Variants in CIMAP3 observed in about 807,000 individuals in gnomAD.
CIMAP3 encodes the protein ciliary microtubule-associated protein 3.
At chr1:111,345,684 G>A in the CIMAP3 span, among the ~76,000 whole-genome samples, 1 of 152,284 alleles carries the variant, frequency 6.6e-6, no homozygotes, top group African/African-American at 2.4e-5. Context: ...CACCTGTAAA[G>A]GGTCAAAGTA....
the CIMAP3 span, among the ~76,000 whole-genome samples, chr1:111,342,004 C>T: frequency 1.3e-5 from 2 of 150,894 alleles, no homozygotes; most frequent in East Asian, 3.9e-4. Context: ...GGTAGAATCT[C>T]ATTCAAAGAA....
the CIMAP3 span, among the ~76,000 whole-genome samples, chr1:111,326,439 C>T: frequency 3.9e-5 from 6 of 152,104 alleles, no homozygotes; most frequent in African/African-American, 1.4e-4. Flanking sequence ...AACATAATGA[C>T]CTCGGGTTCT....
At chr1:111,350,254 C>G in the CIMAP3 span, 1 of 1,509,004 alleles carries the variant, frequency 6.6e-7, no homozygotes, top group South Asian at 1.1e-5. Context: ...GTAGAAGACT[C>G]TTATTCGATC....
At chr1:111,331,680 G>C in the CIMAP3 span, among the ~76,000 whole-genome samples, 273 of 150,322 alleles carry the variant, frequency 1.8e-3, 2 homozygotes, top group African/African-American at 5.5e-3. Flanking sequence ...ATTCTTTTTT[G>C]GGGGGGGCAT....
At chr1:111,345,116 G>A in the CIMAP3 span, among the ~76,000 whole-genome samples, 3 of 152,110 alleles carry the variant, frequency 2.0e-5, no homozygotes, top group African/African-American at 4.8e-5. Context: ...AGTCTATGAC[G>A]TTCGCAAAAC....
At chr1:111,338,709 T>G in the CIMAP3 span, among the ~76,000 whole-genome samples, 6 of 151,976 alleles carry the variant, frequency 3.9e-5, 1 homozygote, top group Admixed American at 3.9e-4. Context: ...GTGGCAATAA[T>G]CAATAGCTTA....
chr1:111,344,886 C>G, the CIMAP3 span, among the ~76,000 whole-genome samples: 3 of 152,078 alleles, frequency 2.0e-5, no homozygotes, highest in African/African-American at 7.2e-5. Flanking sequence ...AATGGAGCAG[C>G]CCTATACAGG....
chr1:111,332,178 A>G, the CIMAP3 span, among the ~76,000 whole-genome samples: 1 of 152,150 alleles, frequency 6.6e-6, no homozygotes, highest in Non-Finnish European at 1.5e-5. Context: ...GCATGTGGTT[A>G]CTTGGAGGTG....
chr1:111,346,585 G>T, the CIMAP3 span: 1 of 1,607,636 alleles, frequency 6.2e-7, no homozygotes, highest in Non-Finnish European at 8.5e-7. Flanking sequence ...TCCGCAGCTG[G>T]GAATCACGGG....
chr1:111,326,166 C>G, the CIMAP3 span, among the ~76,000 whole-genome samples: 10 of 152,090 alleles, frequency 6.6e-5, no homozygotes, highest in Admixed American at 2.6e-4. Context: ...CAATTCAAGT[C>G]CTCTCTTCCA....
At chr1:111,341,174 A>T in the CIMAP3 span, among the ~76,000 whole-genome samples, 6 of 139,826 alleles carry the variant, frequency 4.3e-5, no homozygotes, top group African/African-American at 1.6e-4. Flanking sequence ...ATATGGACAC[A>T]GGAAGGGGAA....
At chr1:111,347,744 C>T in the CIMAP3 span, 5 of 1,612,194 alleles carry the variant, frequency 3.1e-6, no homozygotes, top group Non-Finnish European at 4.2e-6. Context: ...GGAGCCAGAA[C>T]AGCTGTGAGG....
chr1:111,337,302 T>G, the CIMAP3 span, among the ~76,000 whole-genome samples: 1 of 152,104 alleles, frequency 6.6e-6, no homozygotes, highest in African/African-American at 2.4e-5. Context: ...ACGTGCAAAA[T>G]AGCCAGCTAA....
the CIMAP3 span, among the ~76,000 whole-genome samples, chr1:111,327,419 T>C: frequency 1.3e-5 from 2 of 152,174 alleles, no homozygotes. Context: ...GAATCATTTC[T>C]GTAGGAAAAT....
At chr1:111,346,780 T>C in the CIMAP3 span, 1 of 1,561,306 alleles carries the variant, frequency 6.4e-7, no homozygotes, top group Non-Finnish European at 8.8e-7. Flanking sequence ...CTCCAGGAGT[T>C]TGGCGTGGTT....
chr1:111,329,418 G>C, the CIMAP3 span, among the ~76,000 whole-genome samples: 1 of 150,928 alleles, frequency 6.6e-6, no homozygotes, highest in African/African-American at 2.4e-5. Flanking sequence ...AAGTTTTCAT[G>C]GATGATATAC....
the CIMAP3 span, among the ~76,000 whole-genome samples, chr1:111,335,361 T>C: frequency 6.6e-6 from 1 of 151,986 alleles, no homozygotes; most frequent in South Asian, 2.1e-4. Context: ...GGTCAGTGGG[T>C]GCAGCACACT....
the CIMAP3 span, among the ~76,000 whole-genome samples, chr1:111,330,731 T>C: frequency 6.6e-6 from 1 of 152,104 alleles, no homozygotes; most frequent in African/African-American, 2.4e-5. Flanking sequence ...GAGGAAGAGA[T>C]CTTAGTAGTG....
At chr1:111,346,022 A>C in the CIMAP3 span, among the ~76,000 whole-genome samples, 4 of 152,160 alleles carry the variant, frequency 2.6e-5, no homozygotes, top group Non-Finnish European at 5.9e-5. Flanking sequence ...TTCTAAAAAA[A>C]AAACTATTAG....
Sources: allele counts gnomAD v4.1 joint callset (sites outside exome capture counted in the v4.1 genomes callset), GRCh38; gene constraint gnomAD v4.1.1; transcripts MANE v1.5; gene names NCBI Gene and HGNC (gene_info 2026-07-23, HGNC 2026-07-21).